The following TTLL1 variants were observed in gnomAD, a reference collection of about 807,000 sequenced individuals.
TTLL1 encodes the protein polyglutamylase complex subunit TTLL1.
In TTLL1, 33 loss-of-function variants were observed where a neutral mutation model predicts 47.8. That is an observed-to-expected ratio of 0.69 (90% CI 0.52 to 0.92). The LOEUF (loss-of-function observed/expected upper bound fraction) is 0.92. Ranked by LOEUF, TTLL1 falls within the 40% of genes least tolerant of loss-of-function variation. The pLI, the probability that TTLL1 is intolerant of heterozygous loss-of-function variation, is 0.00. For synonymous variants in TTLL1, 225 were observed against 214.1 expected, an observed-to-expected ratio of 1.05 and a Z score of -0.45; for missense variants, 488 against 547.5, an observed-to-expected ratio of 0.89 and a Z score of 1.08.
chr22:43,053,864 C>G (rs572348362), intron 8 of TTLL1, among the ~76,000 whole-genome samples: 4 of 152,144 alleles, frequency 2.6e-5, no homozygotes, highest in Non-Finnish European at 5.9e-5. Flanking sequence ...TACAGGTTTC[C>G]TTGATTAAAC....
At chr22:43,073,925 G>A (rs150083880) in intron 3 of TTLL1, among the ~76,000 whole-genome samples, 10,094 of 151,426 alleles carry the variant, frequency 0.067, 610 homozygotes, top group East Asian at 0.29. Context: ...GGGTTCAAGC[G>A]ATTCTCCTGC....
At chr22:43,072,154 CTTTTTTTT>C (rs60673775) in intron 3 of TTLL1, among the ~76,000 whole-genome samples, 1 of 138,882 alleles carries the variant, frequency 7.2e-6, no homozygotes, top group East Asian at 2.1e-4. Flanking sequence ...TTTTCTTTTT[CTTTTTTTT>C]TTTTTTTTTG....
chr22:43,079,336 C>G (rs1397248094), intron 2 of TTLL1, among the ~76,000 whole-genome samples: 2 of 149,424 alleles, frequency 1.3e-5, no homozygotes, highest in Non-Finnish European at 3.0e-5. Flanking sequence ...GAGCCACACC[C>G]CAGGTGTGAG....
Position 43,046,250 on chromosome 22 carries a change from C to T in TTLL1, c.1142+160G>A, listed in dbSNP as rs557957127. On this transcript the variant is annotated intron_variant, in intron 10 of 10. Coordinates refer to ENST00000266254, the MANE Select transcript of TTLL1 (RefSeq NM_012263.5). ...TAATAATAATAAAATAAACAAATTG[C>T]TTTTCTGCTACAACAAGATCTATCC... Among the ~76,000 whole-genome samples, 6 of 152,148 alleles carry T rather than the reference C, an allele frequency of 3.9e-5. No individual in the cohort carries two copies. In the South Asian group the frequency reaches 1.2e-3, roughly 32 times the overall value.
At chr22:43,078,451 G>A (rs1277711667) in intron 2 of TTLL1, among the ~76,000 whole-genome samples, 4 of 151,996 alleles carry the variant, frequency 2.6e-5, no homozygotes, top group Admixed American at 6.6e-5. Flanking sequence ...AGCCAAGATC[G>A]CACCATTGCA....
chr22:43,051,622 C>A (rs1448495388), intron 9 of TTLL1, among the ~76,000 whole-genome samples, 179 bp downstream of exon 9: 1 of 152,016 alleles, frequency 6.6e-6, no homozygotes, highest in Non-Finnish European at 1.5e-5. Context: ...GGGAGGGGAG[C>A]AAGGCAGGAA....
chr22:43,076,695 G>C (rs946942734), intron 2 of TTLL1, among the ~76,000 whole-genome samples: 1 of 151,564 alleles, frequency 6.6e-6, no homozygotes, highest in African/African-American at 2.4e-5. Context: ...AGGTTGCAGT[G>C]GGCAGAGATT....
chr22:43,056,762 G>C (rs1300964971), intron 8 of TTLL1, among the ~76,000 whole-genome samples: 1 of 151,202 alleles, frequency 6.6e-6, no homozygotes, highest in Admixed American at 6.6e-5. Flanking sequence ...TCCAGCCTGG[G>C]TGACAGAGAG....
At position 43,046,541 on chromosome 22, in the gene TTLL1, A is replaced by C. The variant is rs781298238; in HGVS notation, c.1011T>G (p.Thr337=). Residue 337 remains threonine, a synonymous_variant, in exon 10 of 11, where the codon ACT becomes ACG. Transcript: ENST00000266254. ...VNASPSLTSS[T]ANDRILKYNL... ...TGTACTTGAGGATTCGGTCATTGGC[A>C]GTGCTGGACGTGAGAGACGGGGACG... 1 of 1,614,194 alleles carries C rather than the reference A, an allele frequency of 6.2e-7. No homozygotes were observed. Among genetic ancestry groups the C allele is most frequent in the Non-Finnish European group, 8.5e-7 (1 of 1,180,022 alleles).
In TTLL1 at chr22:43,079,959, G is replaced by A. The variant is rs898807802; in HGVS notation, c.-62C>T. ...CCACGCTCACCTCGGTCTCGCTGAC[G>A]TCACTGACGCCGGCCCCTCCTTCTT... is the stretch of plus-strand genomic sequence containing the variant. On this transcript the variant is annotated 5_prime_UTR_variant, in exon 2 of 11. It adds an upstream start codon to the 5' untranslated region. Transcript: ENST00000266254. The A allele has an allele frequency of 5.3e-5, 8 of 151,624 alleles. No individual in the cohort carries two copies. Among genetic ancestry groups the A allele is most frequent in the South Asian group, 2.1e-4 (1 of 4,834 alleles). 9.4% of individuals were successfully genotyped at this position (151,624 alleles called of 1,614,324 possible).
chr22:43,076,432 G>C (rs542561764), intron 2 of TTLL1, among the ~76,000 whole-genome samples: 19 of 151,752 alleles, frequency 1.3e-4, no homozygotes, highest in African/African-American at 4.4e-4. Context: ...CTCCAGCCTC[G>C]GCGACAGAGC....
At position 43,075,353 on chromosome 22, in the gene TTLL1, G is replaced by A. The variant is rs777783763; in HGVS notation, c.113+121C>T. On this transcript the variant is annotated intron_variant, in intron 3 of 10. Transcript: ENST00000266254. ...AAAAACCTTAAGGAAAAATGTGTGC[G>A]GGGAGATGGCACAATGACAGGAGAC... The A allele has an allele frequency of 1.8e-4, 141 of 804,390 alleles. 1 individual carries two copies. The highest frequency in any genetic ancestry group is 2.4e-4 in the African/African-American group (14 of 58,362). The allele number at this position is 804,390 out of a possible 1,614,324, so 49.8% of individuals were successfully genotyped here. A position where few individuals can be genotyped will look rare whatever the true frequency, so the allele number is the denominator to read the frequency against.
intron 4 of TTLL1, 44 bp from the exon 5 acceptor site, chr22:43,068,634 C>A: frequency 7.2e-7 from 1 of 1,384,474 alleles, no homozygotes; most frequent in South Asian, 2.0e-5. Flanking sequence ...GCCAGCCCAA[C>A]AGTGGCCATG....
Position 43,059,493 on chromosome 22 carries a change from G to A in TTLL1, c.782C>T (p.Thr261Ile), listed in dbSNP as rs1315324848. 1 of 1,613,776 alleles carries A rather than the reference G, an allele frequency of 6.2e-7. No individual in the cohort carries two copies. Among genetic ancestry groups the A allele is most frequent in the Non-Finnish European group, 8.5e-7 (1 of 1,179,874 alleles). Reference sequence around the variant, plus strand: ...CAGGTAGAGCCGCAGGTTACTCACTGTCCACTTGCCCCCATGGATGTGGTT... The same window carrying A: ...CAGGTAGAGCCGCAGGTTACTCACTATCCACTTGCCCCCATGGATGTGGTT... The part of the protein sequence containing the change: ...DYNHIHGGKW[T>I]VSNLRLYLES... Residue 261 changes from threonine to isoleucine, a missense_variant, in exon 8 of 11, where the codon ACA becomes ATA. Transcript: ENST00000266254.
chr22:43,066,089 G>A (rs552042041), intron 5 of TTLL1, among the ~76,000 whole-genome samples: 17 of 151,180 alleles, frequency 1.1e-4, no homozygotes, highest in African/African-American at 3.2e-4. Flanking sequence ...AACCTGGGAC[G>A]TGGAGGTTGC....
intron 3 of TTLL1, among the ~76,000 whole-genome samples, chr22:43,070,567 C>T (rs867201322): frequency 1.3e-5 from 2 of 152,200 alleles, no homozygotes; most frequent in Middle Eastern, 3.4e-3. Context: ...GAGAGGGTGC[C>T]CGGAGCCCCC....
chr22:43,070,597 C>T (rs1569438630), intron 3 of TTLL1, among the ~76,000 whole-genome samples: 2 of 152,278 alleles, frequency 1.3e-5, no homozygotes, highest in South Asian at 4.1e-4. Flanking sequence ...CTGTGGATTC[C>T]AGGATGGCTA....
At chr22:43,083,621 G>A (rs111780905) in intron 1 of TTLL1, among the ~76,000 whole-genome samples, 9 of 151,342 alleles carry the variant, frequency 5.9e-5, no homozygotes, top group Admixed American at 3.3e-4. Flanking sequence ...CCAGCTACTC[G>A]GGAGGCTGAG....
At chr22:43,065,078 G>A (rs1436960800) in intron 5 of TTLL1, among the ~76,000 whole-genome samples, 1 of 151,768 alleles carries the variant, frequency 6.6e-6, no homozygotes, top group Non-Finnish European at 1.5e-5. Flanking sequence ...CCGGGAGGCA[G>A]AGTTTGCAGT....
Sources: gnomAD v4.1 joint callset for allele counts (sites outside exome capture counted in the v4.1 genomes callset) on GRCh38, gnomAD v4.1.1 for gene constraint, MANE v1.5 for transcripts, NCBI Gene and HGNC (gene_info 2026-07-23, HGNC 2026-07-21) for gene names.